Variants in RAB30 observed in about 807,000 individuals in gnomAD.
RAB30 encodes ras-related protein Rab-30.
A neutral mutation model predicts 25.1 loss-of-function variants in RAB30; 9 were observed. That is an observed-to-expected ratio of 0.36 (90% CI 0.22 to 0.63). The LOEUF is 0.63. Ranked by LOEUF, RAB30 falls within the 20% of genes least tolerant of loss-of-function variation. The pLI, the probability that RAB30 is intolerant of heterozygous loss-of-function variation, is 0.69. For synonymous variants in RAB30, 77 were observed against 86.4 expected (o/e 0.89, Z 0.60); for missense variants, 140 against 243.5 (o/e 0.58, Z 2.83).
At chr11:82,984,907 C>T (rs1323956240) in intron 4 of RAB30, among the ~76,000 whole-genome samples, 1 of 152,118 alleles carries the variant, frequency 6.6e-6, no homozygotes, top group Non-Finnish European at 1.5e-5. Context: ...GAAGAAGCTC[C>T]CACTGGCAAA....
intron 1 of RAB30, among the ~76,000 whole-genome samples, chr11:83,068,368 A>T (rs2121522521): frequency 6.6e-6 from 1 of 151,992 alleles, no homozygotes; most frequent in Admixed American, 6.5e-5. Context: ...AAGCACCATC[A>T]TCCCTCATAC....
intron 1 of RAB30, among the ~76,000 whole-genome samples, chr11:83,064,453 ATTTAGGTACCT>A (rs1451470792): frequency 1.3e-5 from 2 of 152,158 alleles, no homozygotes; most frequent in Admixed American, 1.3e-4. Flanking sequence ...TGAGATATAT[ATTTAGGTACCT>A]TTTCCCTTCG....
At chr11:83,012,382 A>T (rs12280845) in intron 1 of RAB30, among the ~76,000 whole-genome samples, 12,403 of 152,100 alleles carry the variant, frequency 0.082, 562 homozygotes, top group Middle Eastern at 0.16. Context: ...TGCCCCCACA[A>T]AGTTGTCTGT....
intron 1 of RAB30, among the ~76,000 whole-genome samples, chr11:83,004,585 G>A (rs1857148375): frequency 6.6e-6 from 1 of 152,210 alleles, no homozygotes; most frequent in African/African-American, 2.4e-5. Context: ...CATCATAGGG[G>A]TTCTTTAGAA....
chr11:83,016,674 C>T (rs1416512227), intron 1 of RAB30, among the ~76,000 whole-genome samples: 3 of 152,188 alleles, frequency 2.0e-5, no homozygotes, highest in Admixed American at 1.3e-4. Flanking sequence ...CTTGCAAGTG[C>T]ATTCTCTTTC....
rs530583645 is a variant in RAB30 at position 83,019,961 on chromosome 11, C to T, written c.-8-22637G>A. Among the ~76,000 whole-genome samples the T allele has an allele frequency of 3.9e-5, 6 of 152,362 alleles. No individual in the cohort carries two copies. In the East Asian group the frequency reaches 1.2e-3, roughly 29 times the overall value. On this transcript the variant is annotated intron_variant, in intron 1 of 4. Transcript: ENST00000527633. The stretch of plus-strand genomic sequence containing the variant: ...GATGACAGTGGTGAGCTGTCTGGAG[C>T]AGCCACTGCCATCATGCTGGCTACA...
At chr11:82,999,971 G>A (rs1857041846) in intron 1 of RAB30, among the ~76,000 whole-genome samples, 1 of 152,270 alleles carries the variant, frequency 6.6e-6, no homozygotes, top group South Asian at 2.1e-4. Context: ...TGAGCAGCAT[G>A]AGAGCAGTGA....
chr11:82,998,128 G>C (rs571303918), intron 1 of RAB30, among the ~76,000 whole-genome samples: 43 of 152,252 alleles, frequency 2.8e-4, no homozygotes, highest in Non-Finnish European at 4.9e-4. Flanking sequence ...GTATACAATT[G>C]TTTGTTCAAA....
chr11:82,982,468 T>C, intron 4 of RAB30, 53 bp from the exon 5 acceptor site: 1 of 1,572,790 alleles, frequency 6.4e-7, no homozygotes, highest in Non-Finnish European at 8.6e-7. Flanking sequence ...TTTTGCAGGC[T>C]GAGAAGCATC....
rs549065221 is a variant in RAB30, at chr11:83,048,148, A to G, written c.-9+23543T>C. On this transcript the variant is annotated intron_variant, in intron 1 of 4. Coordinates refer to ENST00000527633, the MANE Select transcript of RAB30 (RefSeq NM_001286060.2). ...TGCCCAGTAATGACATGGAGTCACAAATCTCACCTTCTCCCCAGGCACCCT... is the reference window on the plus strand; with the variant it reads ...TGCCCAGTAATGACATGGAGTCACAGATCTCACCTTCTCCCCAGGCACCCT... 7.2e-5 allele frequency among the ~76,000 whole-genome samples: 11 copies of G among 152,136 alleles called. No homozygotes were observed. In the East Asian group the frequency reaches 2.1e-3, roughly 29 times the overall value.
chr11:83,063,527 T>C (rs1446815515), intron 1 of RAB30, among the ~76,000 whole-genome samples: 1 of 152,204 alleles, frequency 6.6e-6, no homozygotes, highest in African/African-American at 2.4e-5. Context: ...AAAGTATTTC[T>C]CTCTTCCAGG....
At chr11:83,067,059 T>C (rs1238128015) in intron 1 of RAB30, among the ~76,000 whole-genome samples, 1 of 152,100 alleles carries the variant, frequency 6.6e-6, no homozygotes, top group African/African-American at 2.4e-5. Flanking sequence ...CTGGAGCGCT[T>C]TTGCTTGCCT....
intron 1 of RAB30, among the ~76,000 whole-genome samples, chr11:83,066,431 A>T (rs191354372): frequency 1.3e-5 from 2 of 152,226 alleles, no homozygotes; most frequent in Non-Finnish European, 2.9e-5. Context: ...AATTAGAATG[A>T]TTTTTTTGAG....
intron 1 of RAB30, among the ~76,000 whole-genome samples, chr11:83,005,421 A>G (rs1003063864): frequency 6.6e-6 from 1 of 152,206 alleles, no homozygotes; most frequent in African/African-American, 2.4e-5. Context: ...AGGCCATCAA[A>G]TGGGTATTAA....
At position 83,014,680 on chromosome 11, in the gene RAB30, AAGAAAG is replaced by A. The variant is rs1157347287; in HGVS notation, c.-8-17362_-8-17357del. The stretch of plus-strand genomic sequence containing the variant: ...AAAGAAAGAAAGAAAGAAAGAAAGA[AAGAAAG>A]AAAGAAAGAGAAAGGAAGGAAGGAA... On this transcript the variant is annotated intron_variant, in intron 1 of 4. Coordinates refer to ENST00000527633, the MANE Select transcript of RAB30 (RefSeq NM_001286060.2). Among the ~76,000 whole-genome samples the A allele has an allele frequency of 2.0e-3, 287 of 143,790 alleles. 1 individual carries two copies. Among genetic ancestry groups the A allele is most frequent in the African/African-American group, 7.4e-3 (274 of 37,244 alleles). The allele number at this position is 143,790 out of a possible 152,430, so 94.3% of individuals were successfully genotyped here.
chr11:83,057,969 G>C (rs186753050), intron 1 of RAB30, among the ~76,000 whole-genome samples: 53 of 152,222 alleles, frequency 3.5e-4, no homozygotes, highest in Non-Finnish European at 5.3e-4. Flanking sequence ...CAGGTGACAG[G>C]CACCACGCTG....
intron 1 of RAB30, among the ~76,000 whole-genome samples, chr11:82,999,292 C>T (rs1857024414): frequency 1.3e-5 from 2 of 152,110 alleles, no homozygotes; most frequent in African/African-American, 2.4e-5. Context: ...AGCTAAGCAC[C>T]AGATTCATGT....
At chr11:83,058,436 T>TC (rs1352916931) in intron 1 of RAB30, among the ~76,000 whole-genome samples, 3 of 152,222 alleles carry the variant, frequency 2.0e-5, no homozygotes, top group African/African-American at 4.8e-5. Context: ...CTAGAACCAT[T>TC]CCTCAGTCTT....
At chr11:83,051,606 CA>C (rs1858358672) in intron 1 of RAB30, among the ~76,000 whole-genome samples, 1 of 151,954 alleles carries the variant, frequency 6.6e-6, no homozygotes, top group Non-Finnish European at 1.5e-5. Flanking sequence ...ATAATTCCAA[CA>C]AACTGATGAC....
Sources: gnomAD v4.1 joint callset for allele counts (sites outside exome capture counted in the v4.1 genomes callset) on GRCh38, gnomAD v4.1.1 for gene constraint, MANE v1.5 for transcripts, NCBI Gene and HGNC (gene_info 2026-07-23, HGNC 2026-07-21) for gene names.